Variants in RSBN1 observed in about 807,000 individuals in gnomAD.
The protein encoded by RSBN1 is round spermatid basic protein 1.
A neutral mutation model predicts 74.8 loss-of-function variants in RSBN1; 23 were observed. The observed-to-expected ratio is 0.31, with a 90% CI of 0.22 to 0.44. RSBN1 has a LOEUF of 0.44. Ranked by LOEUF, RSBN1 falls within the 20% of genes least tolerant of loss-of-function variation. The probability of loss-of-function intolerance (pLI) is 1.00; values close to 1 mark genes in which losing one functional copy is unlikely to be tolerated. For synonymous variants in RSBN1, 407 were observed against 379.6 expected (o/e 1.07, Z -0.84); for missense variants, 808 against 1,020.9 (o/e 0.79, Z 2.84).
rs778596373 is a variant in RSBN1, at chr1:113,766,180, C to T, written c.2209G>A (p.Val737Met). The T allele has an allele frequency of 6.2e-7, 1 of 1,614,066 alleles. No individual in the cohort carries two copies. Among genetic ancestry groups the T allele is most frequent in the Non-Finnish European group, 8.5e-7 (1 of 1,179,954 alleles). Residue 737 changes from valine to methionine, a missense_variant, in exon 7 of 7, where the codon GTG becomes ATG. By Grantham distance (21) the Val-to-Met change is conservative. Coordinates refer to ENST00000261441, the MANE Select transcript of RSBN1 (RefSeq NM_018364.5). ...KRELEVDSQCVRIKTESEEAC... is the reference protein window; with the variant it reads ...KRELEVDSQCMRIKTESEEAC... ...TCTTCAGATTCAGTTTTTATCCTCA[C>T]ACATTGGGAGTCAACTTCTAATTCT...
In RSBN1 at chr1:113,768,351, C is replaced by T; in HGVS notation, c.1697G>A (p.Arg566Gln). 6.2e-7 allele frequency: 1 copy of T among 1,609,828 alleles called. No individual in the cohort carries two copies. Among genetic ancestry groups the T allele is most frequent in the Non-Finnish European group, 8.5e-7 (1 of 1,177,574 alleles). The change falls in exon 5 of 7, where the codon CGG becomes CAG. Residue 566 changes from arginine (R) to glutamine (Q), a missense_variant. Coordinates refer to ENST00000261441, the MANE Select transcript of RSBN1 (RefSeq NM_018364.5). ...GAGAACTTCGCGGGGTTCACTGGTC[C>T]GAGGTAGGTACTGGAGATTTTTTAT... ...NEIKNLQYLP[R>Q]TSEPREVLFE...
At chr1:113,792,763 C>T (rs1660391440) in intron 2 of RSBN1, among the ~76,000 whole-genome samples, 1 of 151,874 alleles carries the variant, frequency 6.6e-6, no homozygotes, top group African/African-American at 2.4e-5. Context: ...TTCATGATCA[C>T]ACTTCAGCCT....
intron 1 of RSBN1, among the ~76,000 whole-genome samples, chr1:113,805,906 C>A (rs978600168): frequency 1.3e-5 from 2 of 152,220 alleles, no homozygotes; most frequent in African/African-American, 4.8e-5. Context: ...TTACTGTATT[C>A]TGCTACTGTA....
At chr1:113,774,405 T>C (rs916129620) in intron 4 of RSBN1, among the ~76,000 whole-genome samples, 1 of 152,036 alleles carries the variant, frequency 6.6e-6, no homozygotes, top group Non-Finnish European at 1.5e-5. Flanking sequence ...CCAGGCACGG[T>C]GGCTCACGCC....
chr1:113,767,206 T>A lies in RSBN1; in HGVS notation c.1828A>T (p.Ser610Cys). ...TCTTTGGTTATGCGAGGTTGGTCAC[T>A]CCTAAGATTAACAAAATTAAGTTTC... Reference protein sequence around the residue: ...VLKAVQFGEWSDQPRITKDVI... With the variant: ...VLKAVQFGEWCDQPRITKDVI... The change falls in exon 6 of 7, where the codon AGT becomes TGT. Residue 610 changes from serine (S) to cysteine (C), a missense_variant and splice_region_variant. Around this residue, in one of 6 missense-constraint regions of RSBN1, gnomAD observed 18 missense variants for 16.2 expected, o/e 1.11. Transcript: ENST00000261441. 1 of 1,567,856 alleles carries A rather than the reference T, an allele frequency of 6.4e-7. No homozygotes were observed. Among genetic ancestry groups the A allele is most frequent in the South Asian group, 1.2e-5 (1 of 85,022 alleles).
chr1:113,777,140 T>A, intron 4 of RSBN1, 70 bp downstream of exon 4: 1 of 1,417,348 alleles, frequency 7.1e-7, no homozygotes, highest in Non-Finnish European at 9.7e-7. Flanking sequence ...GTTTTCAAAC[T>A]GTGCTCATTT....
chr1:113,811,702 G>A lies in RSBN1; in HGVS notation c.703+8C>T. The A allele has an allele frequency of 6.4e-7, 1 of 1,573,432 alleles. No individual in the cohort carries two copies. The highest frequency in any genetic ancestry group is 1.2e-5 in the South Asian group (1 of 85,864). On this transcript the variant is annotated splice_region_variant and intron_variant, in intron 1 of 6. Transcript: ENST00000261441. ...AGAACCCAAGCCGGGCAGTTTGCCT[G>A]CTCTCACCTCTCTTGGGGGCTTTGA...
chr1:113,783,603 T>C (rs547600642), intron 2 of RSBN1, among the ~76,000 whole-genome samples: 4 of 152,332 alleles, frequency 2.6e-5, no homozygotes, highest in African/African-American at 7.2e-5. Flanking sequence ...CCCTGACAGC[T>C]AAATGCGGCC....
In RSBN1 at chr1:113,762,463, C is replaced by T. The variant is rs1416707206; in HGVS notation, c.*3517G>A. The T allele has an allele frequency of 1.3e-5, 2 of 152,410 alleles. No homozygotes were observed. Among genetic ancestry groups the T allele is most frequent in the African/African-American group, 2.4e-5 (1 of 41,448 alleles). 9.4% of individuals were successfully genotyped at this position (152,410 alleles called of 1,614,324 possible). ...CTTGCATGGCCAATAAATACAGCTA[C>T]GACCTGTTTGAAAAACAAAACAGAT... On this transcript the variant is annotated 3_prime_UTR_variant, in exon 7 of 7. Transcript: ENST00000261441.
chr1:113,774,188 T>C (rs1374081552), intron 4 of RSBN1, among the ~76,000 whole-genome samples: 1 of 152,104 alleles, frequency 6.6e-6, no homozygotes, highest in Non-Finnish European at 1.5e-5. Flanking sequence ...ACACGAATGA[T>C]TTCCAGTTAC....
At chr1:113,806,356 T>TA (rs1660699370) in intron 1 of RSBN1, among the ~76,000 whole-genome samples, 1 of 151,806 alleles carries the variant, frequency 6.6e-6, no homozygotes, top group Non-Finnish European at 1.5e-5. Context: ...AAATCATTGT[T>TA]ACATTACAGG....
At chr1:113,776,845 A>G (rs559536686) in intron 4 of RSBN1, among the ~76,000 whole-genome samples, 1 of 151,940 alleles carries the variant, frequency 6.6e-6, no homozygotes, top group East Asian at 1.9e-4. Context: ...GTGCAAAAGC[A>G]AAGAGTTATG....
At chr1:113,768,014 C>A in intron 5 of RSBN1, 1 of 421,850 alleles carries the variant, frequency 2.4e-6, no homozygotes, top group South Asian at 5.2e-5. Flanking sequence ...GAGTTACAGC[C>A]TCGCAAGATG....
At chr1:113,809,878 G>T (rs1660795567) in intron 1 of RSBN1, among the ~76,000 whole-genome samples, 1 of 152,142 alleles carries the variant, frequency 6.6e-6, no homozygotes, top group African/African-American at 2.4e-5. Flanking sequence ...ACCACATACG[G>T]CTACCATATT....
Position 113,762,387 on chromosome 1 carries a change from A to G in RSBN1, c.*3593T>C, listed in dbSNP as rs1659694937. ...AAAGCAACAAACTTTCAAGACAAGG[A>G]TAGGTCCCTTACGTGCTAAAGAAAA... is the stretch of plus-strand genomic sequence containing the variant. On this transcript the variant is annotated 3_prime_UTR_variant, in exon 7 of 7. Coordinates refer to ENST00000261441, the MANE Select transcript of RSBN1 (RefSeq NM_018364.5). 6.6e-6 allele frequency: 1 copy of G among 152,576 alleles called. No homozygotes were observed. The highest frequency in any genetic ancestry group is 2.4e-5 in the African/African-American group (1 of 41,474). The allele number at this position is 152,576 out of a possible 1,614,324, so 9.5% of individuals were successfully genotyped here.
At chr1:113,772,611 T>C (rs1394425173) in intron 4 of RSBN1, among the ~76,000 whole-genome samples, 1 of 152,212 alleles carries the variant, frequency 6.6e-6, no homozygotes, top group Non-Finnish European at 1.5e-5. Context: ...AGCAGTGTCC[T>C]TGGTAACTGA....
At chr1:113,789,973 A>C (rs556157586) in intron 2 of RSBN1, among the ~76,000 whole-genome samples, 5 of 152,210 alleles carry the variant, frequency 3.3e-5, no homozygotes, top group African/African-American at 7.2e-5. Flanking sequence ...ACAAAGGTAC[A>C]AGTATTGTTT....
intron 2 of RSBN1, among the ~76,000 whole-genome samples, chr1:113,794,115 C>G (rs1660423040): frequency 6.6e-6 from 1 of 152,150 alleles, no homozygotes; most frequent in Non-Finnish European, 1.5e-5. Context: ...ACCCATTTGT[C>G]CAAACCACAT....
intron 4 of RSBN1, among the ~76,000 whole-genome samples, chr1:113,776,810 CAA>C (rs58152175): frequency 0.012 from 1,070 of 90,284 alleles, 3 homozygotes; most frequent in African/African-American, 0.032. Context: ...GACCCTATCT[CAA>C]AAAAAAAAAA....
Sources: allele counts gnomAD v4.1 joint callset (sites outside exome capture counted in the v4.1 genomes callset), GRCh38; gene constraint gnomAD v4.1.1; regional missense constraint gnomAD v4.1.1; transcripts MANE v1.5; gene names NCBI Gene and HGNC (gene_info 2026-07-23, HGNC 2026-07-21).